Variants in UGT1A8 observed in about 807,000 individuals in gnomAD.
UGT1A8 encodes UDP glucuronosyltransferase family 1 member A8.
In UGT1A8, 39 loss-of-function variants were observed where a neutral mutation model predicts 45.3. That is an observed-to-expected ratio of 0.86 (90% confidence interval 0.67 to 1.12). UGT1A8 has a LOEUF of 1.12. Among genes scored for constraint, UGT1A8 ranks in the 50% most tolerant of loss-of-function variants. The pLI is 0.00. For missense variants in UGT1A8, 719 were observed against 664.9 expected, an observed-to-expected ratio of 1.08 and a Z score of -0.90; for synonymous variants, 275 against 249.2, an observed-to-expected ratio of 1.10 and a Z score of -0.97.
At chr2:233,682,236 C>T (rs182095678) in intron 1 of UGT1A8, 1 of 1,614,196 alleles carries the variant, frequency 6.2e-7, no homozygotes, top group African/African-American at 1.3e-5. Context: ...CGCTGGACGG[C>T]ACCATTGCGA....
chr2:233,713,984 G>A, intron 1 of UGT1A8: 1 of 1,586,010 alleles, frequency 6.3e-7, no homozygotes. Context: ...TCTCATTGTT[G>A]TAATAGTCTT....
At chr2:233,651,798 C>T (rs542100560) in intron 1 of UGT1A8, among the ~76,000 whole-genome samples, 8 of 152,196 alleles carry the variant, frequency 5.3e-5, no homozygotes, top group South Asian at 2.1e-4. Context: ...TGTGTCCACG[C>T]GTGTTTGTGT....
intron 1 of UGT1A8, among the ~76,000 whole-genome samples, chr2:233,662,805 A>G (rs1487102844): frequency 2.2e-5 from 3 of 134,096 alleles, no homozygotes; most frequent in African/African-American, 8.7e-5. Flanking sequence ...TTCTTTTCCT[A>G]GTTTGCTGAG....
chr2:233,706,103 A>AT (rs1559354549), intron 1 of UGT1A8, among the ~76,000 whole-genome samples: 1 of 152,060 alleles, frequency 6.6e-6, no homozygotes, highest in African/African-American at 2.4e-5. Context: ...TTAAAAAAAA[A>AT]CCAAGAATTT....
intron 1 of UGT1A8, among the ~76,000 whole-genome samples, chr2:233,669,365 A>G: frequency 6.6e-6 from 1 of 152,172 alleles, no homozygotes; most frequent in East Asian, 1.9e-4. Flanking sequence ...GCCTGCTGGA[A>G]TTTAGATTGG....
chr2:233,728,786 G>A (rs944510935), intron 1 of UGT1A8, among the ~76,000 whole-genome samples: 1 of 152,188 alleles, frequency 6.6e-6, no homozygotes, highest in Non-Finnish European at 1.5e-5. Context: ...GATAAACATG[G>A]TTAACAGAGA....
At chr2:233,695,534 T>C (rs2075294945) in intron 1 of UGT1A8, among the ~76,000 whole-genome samples, 1 of 152,134 alleles carries the variant, frequency 6.6e-6, no homozygotes, top group African/African-American at 2.4e-5. Context: ...TTTTTTCTTT[T>C]TCTTTTTTAA....
intron 1 of UGT1A8, among the ~76,000 whole-genome samples, chr2:233,650,080 C>T (rs745362868): frequency 9.2e-5 from 14 of 152,264 alleles, no homozygotes; most frequent in Admixed American, 2.0e-4. Flanking sequence ...AAGCGATTCA[C>T]CTGCCTCAGC....
chr2:233,632,857 T>G (rs2073216943), intron 1 of UGT1A8, among the ~76,000 whole-genome samples: 1 of 152,188 alleles, frequency 6.6e-6, no homozygotes, highest in Non-Finnish European at 1.5e-5. Context: ...GGCCAGAACT[T>G]CCAATACTAT....
intron 1 of UGT1A8, among the ~76,000 whole-genome samples, chr2:233,620,068 C>T (rs2072973124): frequency 6.6e-6 from 1 of 152,102 alleles, no homozygotes; most frequent in Non-Finnish European, 1.5e-5. Context: ...ACATTTTTGT[C>T]TATTGTTCTG....
At chr2:233,694,253 G>A (rs910405791) in intron 1 of UGT1A8, among the ~76,000 whole-genome samples, 1 of 151,712 alleles carries the variant, frequency 6.6e-6, no homozygotes, top group African/African-American at 2.4e-5. Context: ...TTGAGCCAGG[G>A]ACCAGCGAAC....
chr2:233,725,324 T>TAACAA lies in UGT1A8; in HGVS notation c.856-41710_856-41709insAACAA, dbSNP rs1473131454. Among the ~76,000 whole-genome samples, 2 of 93,548 alleles carry TAACAA rather than the reference T, an allele frequency of 2.1e-5. 1 individual carries two copies. Among genetic ancestry groups the TAACAA allele is most frequent in the Non-Finnish European group, 4.5e-5 (2 of 44,118 alleles). 61.4% of individuals were successfully genotyped at this position (93,548 alleles called of 152,430 possible). A position where few individuals can be genotyped will look rare whatever the true frequency, so the allele number is the denominator to read the frequency against. ...CAGAGGCAGAGGCAGAGGCGCCTGG[T>TAACAA]CAACAATCTTAAGTCCAATAAGAAT... On this transcript the variant is annotated intron_variant, in intron 1 of 4. Coordinates refer to ENST00000373450, the MANE Select transcript of UGT1A8 (RefSeq NM_019076.5).
chr2:233,631,937 A>C lies in UGT1A8; in HGVS notation c.855+13375A>C, dbSNP rs545406085. ...GCCTATTTCCTGAATGGTATTGCCT[A>C]GGTTTTTTTCTAGAGTTTTCATGGT... On this transcript the variant is annotated intron_variant, in intron 1 of 4. Coordinates refer to ENST00000373450, the MANE Select transcript of UGT1A8 (RefSeq NM_019076.5). Among the ~76,000 whole-genome samples, 4 of 152,236 alleles carry C rather than the reference A, an allele frequency of 2.6e-5. No individual in the cohort carries two copies. The East Asian group carries it at 7.7e-4, about 29-fold the overall frequency.
intron 1 of UGT1A8, chr2:233,747,084 A>G: frequency 8.6e-7 from 1 of 1,158,212 alleles, no homozygotes; most frequent in Non-Finnish European, 1.2e-6. Flanking sequence ...AACTAGGAGG[A>G]GAGCACTCTA....
chr2:233,729,959 G>A (rs1416622482), intron 1 of UGT1A8: 13 of 1,613,900 alleles, frequency 8.1e-6, no homozygotes, highest in East Asian at 2.2e-5. Flanking sequence ...TTCATTGGGG[G>A]CATCAACTGT....
intron 1 of UGT1A8, chr2:233,747,525 C>A: frequency 6.2e-7 from 1 of 1,605,956 alleles, no homozygotes; most frequent in Non-Finnish European, 8.5e-7. Flanking sequence ...TGAAACAGAA[C>A]ATTTTCTGAA....
At chr2:233,698,309 G>A (rs187823497) in intron 1 of UGT1A8, among the ~76,000 whole-genome samples, 41 of 152,288 alleles carry the variant, frequency 2.7e-4, no homozygotes, top group Non-Finnish European at 8.8e-5. Context: ...TGGACAGATG[G>A]AAATGTCTGG....
intron 1 of UGT1A8, among the ~76,000 whole-genome samples, chr2:233,623,259 G>A (rs926402563): frequency 2.7e-4 from 41 of 152,102 alleles, no homozygotes; most frequent in Non-Finnish European, 2.5e-4. Flanking sequence ...CCAATTCTGT[G>A]AAGAAAGTCA....
At chr2:233,627,212 T>C (rs1244055844) in intron 1 of UGT1A8, among the ~76,000 whole-genome samples, 2 of 152,078 alleles carry the variant, frequency 1.3e-5, no homozygotes, top group African/African-American at 4.8e-5. Context: ...CACTGTCATC[T>C]GTATTAAAAC....
Sources: gnomAD v4.1 joint callset for allele counts (sites outside exome capture counted in the v4.1 genomes callset) on GRCh38, gnomAD v4.1.1 for gene constraint, MANE v1.5 for transcripts, NCBI Gene and HGNC (gene_info 2026-07-23, HGNC 2026-07-21) for gene names.